The following BHMT2 variants were observed in gnomAD, a reference collection of about 807,000 sequenced individuals.
BHMT2 encodes betaine--homocysteine S-methyltransferase 2, also known as S-methylmethionine--homocysteine S-methyltransferase BHMT2.
In BHMT2, 28 loss-of-function variants were observed where a neutral mutation model predicts 39.0. The ratio of observed to expected loss-of-function variants is 0.72; its 90% CI spans 0.53 to 0.98. The LOEUF (loss-of-function observed/expected upper bound fraction) is 0.98, where lower values mean the gene tolerates loss of function less well. Ranked by LOEUF, BHMT2 falls within the 50% of genes least tolerant of loss-of-function variation. The pLI, the probability that BHMT2 is intolerant of heterozygous loss-of-function variation, is 0.00. For synonymous variants in BHMT2, 145 were observed against 160.6 expected (o/e 0.90, Z 0.74); for missense variants, 410 against 455.6 (o/e 0.90, Z 0.91).
chr5:79,086,713 T>C (rs1417433682), intron 7 of BHMT2, among the ~76,000 whole-genome samples: 1 of 152,184 alleles, frequency 6.6e-6, no homozygotes, highest in Non-Finnish European at 1.5e-5. Flanking sequence ...TTCAATTTGC[T>C]TCATACTTGG....
chr5:79,073,949 G>C (rs993467405), intron 1 of BHMT2, among the ~76,000 whole-genome samples: 3 of 152,154 alleles, frequency 2.0e-5, no homozygotes, highest in African/African-American at 7.2e-5. Context: ...AGATGCACCA[G>C]TATGAGTCTG....
At chr5:79,071,575 A>C (rs1054475570) in intron 1 of BHMT2, among the ~76,000 whole-genome samples, 3 of 152,226 alleles carry the variant, frequency 2.0e-5, no homozygotes, top group African/African-American at 4.8e-5. Flanking sequence ...CTTATTTTAC[A>C]TGTTCCTGTC....
At chr5:79,086,497 C>G (rs1210635557) in intron 7 of BHMT2, among the ~76,000 whole-genome samples, 2 of 152,174 alleles carry the variant, frequency 1.3e-5, no homozygotes, top group Non-Finnish European at 2.9e-5. Context: ...CAATCTAATA[C>G]TCTGTTGCAG....
chr5:79,083,683 C>T lies in BHMT2; in HGVS notation c.837C>T (p.Ala279=). 6.2e-7 allele frequency: 1 copy of T among 1,614,056 alleles called. No individual in the cohort carries two copies. Among genetic ancestry groups the T allele is most frequent in the Non-Finnish European group, 8.5e-7 (1 of 1,180,010 alleles). Residue 279 remains alanine, a synonymous_variant, in exon 7 of 8, where the codon GCC becomes GCT. Coordinates refer to ENST00000255192, the MANE Select transcript of BHMT2 (RefSeq NM_017614.5). The part of the protein sequence containing the change: ...RWDIQKYARE[A]YNLGVRYIGG... The stretch of plus-strand genomic sequence containing the variant: ...ATATTCAAAAATACGCCAGAGAGGC[C>T]TACAACCTGGGGGTCAGGTACATTG...
At chr5:79,078,931 A>G (rs765308349) in intron 2 of BHMT2, among the ~76,000 whole-genome samples, 30 of 152,300 alleles carry the variant, frequency 2.0e-4, no homozygotes, top group Non-Finnish European at 3.5e-4. Flanking sequence ...GATGTTCCCA[A>G]ACTGCTTGCT....
Position 79,088,910 on chromosome 5 carries a change from TTAAAA to T in BHMT2, c.*340_*344del. On this transcript the variant is annotated 3_prime_UTR_variant, in exon 8 of 8. Transcript: ENST00000255192. ...TGTCTTTGAGGGTGAATTTGACACT[TTAAAA>T]TAATCAGAAGTCACTGAGACCCAAA... 1 of 190,836 alleles carries T rather than the reference TTAAAA, an allele frequency of 5.2e-6. No homozygotes were observed. The highest frequency in any genetic ancestry group is 1.1e-5 in the Non-Finnish European group (1 of 93,072). 11.8% of individuals were successfully genotyped at this position (190,836 alleles called of 1,614,324 possible).
In BHMT2 at chr5:79,088,512, G is replaced by C; in HGVS notation, c.1030G>C (p.Glu344Gln). ...ACACAGGGCTCGAAGGGAGTATTGGGAGAATCTGCTGCCAGCTTCAGGCAG... is the reference window on the plus strand; with the variant it reads ...ACACAGGGCTCGAAGGGAGTATTGGCAGAATCTGCTGCCAGCTTCAGGCAG... ...IRARARREYWENLLPASGRPF... is the reference protein window; with the variant it reads ...IRARARREYWQNLLPASGRPF... The change falls in exon 8 of 8, where the codon GAG becomes CAG. Residue 344 changes from glutamate to glutamine, a missense_variant. Transcript: ENST00000255192. 2.5e-6 allele frequency: 4 copies of C among 1,614,024 alleles called. No homozygotes were observed. The highest frequency in any genetic ancestry group is 3.4e-6 in the Non-Finnish European group (4 of 1,179,954).
Position 79,082,975 on chromosome 5 carries a change from G to A in BHMT2, c.598+19G>A, listed in dbSNP as rs370962122. The A allele has an allele frequency of 2.7e-5, 43 of 1,613,916 alleles. No individual in the cohort carries two copies. Among genetic ancestry groups the A allele is most frequent in the Non-Finnish European group, 3.1e-5 (36 of 1,179,916 alleles). On this transcript the variant is annotated intron_variant, in intron 5 of 7. Transcript: ENST00000255192. ...AAGGCAGGTAATTTGGACCCATACC[G>A]TGATACACAGCTCAGTTGTTGCTTA...
intron 7 of BHMT2, among the ~76,000 whole-genome samples, chr5:79,085,130 A>G (rs1755868188): frequency 6.6e-6 from 1 of 152,136 alleles, no homozygotes; most frequent in African/African-American, 2.4e-5. Context: ...CTGTAGGTTG[A>G]TCCTAAAAAT....
intron 1 of BHMT2, among the ~76,000 whole-genome samples, chr5:79,076,100 G>A (rs62377950): frequency 0.19 from 28,803 of 152,180 alleles, 2,866 homozygotes; most frequent in African/African-American, 0.24. Context: ...ATGAGTGCAA[G>A]GTTTTATCGA....
In BHMT2 at chr5:79,077,600, C is replaced by T. The variant is rs1250287708; in HGVS notation, c.154C>T (p.His52Tyr). Residue 52 changes from histidine (H) to tyrosine (Y), a missense_variant, in exon 2 of 8, where the codon CAC becomes TAC. Coordinates refer to ENST00000255192, the MANE Select transcript of BHMT2 (RefSeq NM_017614.5). ...CTGGACTCCAGAGGCAGTGATAGAA[C>T]ACCCAGACGCAGGTTGGTGTCCACA... is the stretch of plus-strand genomic sequence containing the variant. ...GLWTPEAVIE[H>Y]PDAVRQLHME... 5.0e-6 allele frequency: 8 copies of T among 1,613,596 alleles called. No homozygotes were observed. The highest frequency in any genetic ancestry group is 6.8e-6 in the Non-Finnish European group (8 of 1,179,838).
In BHMT2 at chr5:79,080,758, AG is replaced by A. The variant is rs36116756; in HGVS notation, c.336del (p.Ile113SerfsTer24). On this transcript the variant is annotated frameshift_variant, in exon 4 of 8. Transcript: ENST00000255192. LOFTEE classifies it high-confidence loss of function. ...VAGKGDALVA[G>X]GICQTSIYKY... ...CTGGCAAAGGTGATGCTTTGGTAGC[AG>A]GGGGGATCTGCCAGACATCAATATA... The A allele has an allele frequency of 3.1e-6, 5 of 1,604,708 alleles. No individual in the cohort carries two copies. The highest frequency in any genetic ancestry group is 1.7e-5 in the Admixed American group (1 of 57,848).
At chr5:79,082,085 C>T (rs1021446972) in intron 4 of BHMT2, among the ~76,000 whole-genome samples, 1 of 152,206 alleles carries the variant, frequency 6.6e-6, no homozygotes, top group Non-Finnish European at 1.5e-5. Flanking sequence ...CATAATTCCT[C>T]ACACTGCTTC....
intron 2 of BHMT2, 131 bp from the exon 3 acceptor site, chr5:79,079,238 T>A: frequency 1.6e-6 from 1 of 631,858 alleles, no homozygotes; most frequent in Non-Finnish European, 2.7e-6. Flanking sequence ...TTTTTGTTAC[T>A]ACTAGGTTTG....
chr5:79,084,347 G>A (rs982708646), intron 7 of BHMT2, among the ~76,000 whole-genome samples: 2 of 152,190 alleles, frequency 1.3e-5, no homozygotes, highest in Admixed American at 1.3e-4. Flanking sequence ...CACAATCTCG[G>A]TTCACTGCAA....
rs1475567765 is a variant in BHMT2, at chr5:79,080,879, G to A, written c.450+1G>A. ...AAATGTGGACTTCTTGATTGCAGAG[G>A]TGAGGCTAGTATTGGAGGAAAAGGA... is the stretch of plus-strand genomic sequence containing the variant. On this transcript the variant is annotated splice_donor_variant, in intron 4 of 7. Transcript: ENST00000255192. LOFTEE classifies it high-confidence loss of function. The A allele has an allele frequency of 6.3e-7, 1 of 1,583,534 alleles. No homozygotes were observed. The highest frequency in any genetic ancestry group is 2.3e-5 in the East Asian group (1 of 43,788).
chr5:79,073,239 C>T (rs1388961987), intron 1 of BHMT2, among the ~76,000 whole-genome samples: 2 of 152,190 alleles, frequency 1.3e-5, no homozygotes, highest in Non-Finnish European at 2.9e-5. Flanking sequence ...GCTGGGATTA[C>T]AGGCGTGAGC....
chr5:79,086,665 G>A (rs1214586179), intron 7 of BHMT2, among the ~76,000 whole-genome samples: 4 of 152,072 alleles, frequency 2.6e-5, no homozygotes, highest in Non-Finnish European at 5.9e-5. Flanking sequence ...TTCTTCTCTT[G>A]CATTCCCGTG....
At chr5:79,072,021 C>A (rs907138481) in intron 1 of BHMT2, among the ~76,000 whole-genome samples, 3 of 152,194 alleles carry the variant, frequency 2.0e-5, no homozygotes, top group South Asian at 2.1e-4. Context: ...AATCCTAGCA[C>A]TTTGGGAGGC....
Sources: gnomAD v4.1 joint callset for allele counts (sites outside exome capture counted in the v4.1 genomes callset) on GRCh38, gnomAD v4.1.1 for gene constraint, MANE v1.5 for transcripts, NCBI Gene and HGNC (gene_info 2026-07-23, HGNC 2026-07-21) for gene names.